DMD: variants seen among roughly 807,000 people sequenced by gnomAD.
The protein encoded by DMD is dystrophin, also known as mutant dystrophin.
DMD carries 63 observed loss-of-function variants against 330.1 expected under a neutral mutation model. That is an observed-to-expected ratio of 0.19 (90% CI 0.16 to 0.24). The LOEUF (loss-of-function observed/expected upper bound fraction) is 0.24, where lower values mean the gene tolerates loss of function less well. DMD is among the 10% of genes least tolerant of loss of function. DMD has a pLI of 1.00. For synonymous variants in DMD, 1,223 were observed against 959.8 expected, an observed-to-expected ratio of 1.27 and a Z score of -5.07; for missense variants, 3,344 against 2,684.1, an observed-to-expected ratio of 1.25 and a Z score of -5.43.
chrX:31,775,917 A>C (rs191324608), intron 50 of DMD, among the ~76,000 whole-genome samples: 22 of 112,146 alleles, frequency 2.0e-4, no homozygotes, highest in African/African-American at 6.1e-4. Context: ...TGTCAGAGAG[A>C]ATAAAAAAAT....
intron 25 of DMD, among the ~76,000 whole-genome samples, chrX:32,457,880 T>TA (rs2148377713): frequency 9.1e-6 from 1 of 110,226 alleles, no homozygotes; most frequent in South Asian, 3.9e-4. Flanking sequence ...TACTATAAAT[T>TA]TAAAGCCACT....
intron 21 of DMD, 149 bp from the exon 22 acceptor site, chrX:32,472,458 G>T: frequency 3.6e-6 from 2 of 552,722 alleles, no homozygotes; most frequent in Non-Finnish European, 5.8e-6. Context: ...ATATGATTAT[G>T]AAGATACATT....
chrX:31,800,485 G>GC (rs2092012260), intron 50 of DMD, among the ~76,000 whole-genome samples: 1 of 111,780 alleles, frequency 8.9e-6, no homozygotes, highest in Non-Finnish European at 1.9e-5. Flanking sequence ...CCTGTGCCTG[G>GC]CCCGTGAAAC....
chrX:31,384,259 C>A (rs1041100182), intron 60 of DMD, among the ~76,000 whole-genome samples: 2 of 111,054 alleles, frequency 1.8e-5, no homozygotes, highest in Non-Finnish European at 3.8e-5. Flanking sequence ...ACCGAAGCGG[C>A]TATGCAGTCC....
At chrX:31,203,712 C>G (rs1010174109) in intron 67 of DMD, among the ~76,000 whole-genome samples, 3 of 111,365 alleles carry the variant, frequency 2.7e-5, no homozygotes, top group Non-Finnish European at 5.7e-5. Flanking sequence ...AACTTCTTCC[C>G]CTCTAGCACC....
intron 52 of DMD, among the ~76,000 whole-genome samples, chrX:31,686,204 T>C (rs924546120): frequency 1.8e-5 from 2 of 112,581 alleles, no homozygotes; most frequent in Non-Finnish European, 3.8e-5. Flanking sequence ...GTGCACAAAC[T>C]AGTGTTTGGC....
At chrX:31,438,686 G>C (rs1450319580) in intron 60 of DMD, among the ~76,000 whole-genome samples, 1 of 111,168 alleles carries the variant, frequency 9.0e-6, no homozygotes, top group Non-Finnish European at 1.9e-5. Flanking sequence ...TTAGTGATAG[G>C]CCGACATTAT....
chrX:31,800,816 T>C (rs986356955), intron 50 of DMD, among the ~76,000 whole-genome samples: 1 of 111,834 alleles, frequency 8.9e-6, no homozygotes, highest in African/African-American at 3.3e-5. Context: ...TGCTAAAGCT[T>C]AGCAACAGTG....
intron 53 of DMD, among the ~76,000 whole-genome samples, chrX:31,675,853 T>C (rs1271599251): frequency 1.4e-4 from 16 of 112,765 alleles, no homozygotes; most frequent in Non-Finnish European, 3.0e-4. Flanking sequence ...TTACATTATG[T>C]AGACAATTAA....
intron 5 of DMD, among the ~76,000 whole-genome samples, chrX:32,821,592 TAAAAATAAAA>T (rs1485053806): frequency 9.6e-6 from 1 of 104,100 alleles, no homozygotes; most frequent in Non-Finnish European, 2.0e-5. Context: ...TGTCTCAAAA[TAAAAATAAAA>T]AAAAATAAAA....
At chrX:32,093,872 ATAAC>A (rs2096490297) in intron 44 of DMD, among the ~76,000 whole-genome samples, 1 of 111,219 alleles carries the variant, frequency 9.0e-6, no homozygotes, top group African/African-American at 3.3e-5. Context: ...TCAACTCTGT[ATAAC>A]TAACAAGAAA....
intron 7 of DMD, among the ~76,000 whole-genome samples, chrX:32,763,211 A>T (rs983557515): frequency 8.9e-6 from 1 of 112,018 alleles, no homozygotes; most frequent in Non-Finnish European, 1.9e-5. Flanking sequence ...AATCTTCTTC[A>T]TTCAAAAGTA....
Position 32,742,668 on chromosome X carries a change from G to A in DMD, c.650-43375C>T, listed in dbSNP as rs183592354. Among the ~76,000 whole-genome samples, 744 of 111,657 alleles carry A rather than the reference G, an allele frequency of 6.7e-3. 8 individuals carry two copies. The highest frequency in any genetic ancestry group is 0.023 in the African/African-American group (718 of 30,743). ...ATGAGACCTAAGCAATGAGAAAATG[G>A]GAAGTAAATTATGAAGATACAAGGC... On this transcript the variant is annotated intron_variant, in intron 7 of 78. Coordinates refer to ENST00000357033, the MANE Select transcript of DMD (RefSeq NM_004006.3).
chrX:32,449,188 C>T (rs926471743), intron 26 of DMD, among the ~76,000 whole-genome samples: 1 of 110,773 alleles, frequency 9.0e-6, no homozygotes, highest in African/African-American at 3.3e-5. Context: ...AAAAAAGGAG[C>T]TGCTGATATC....
intron 1 of DMD, among the ~76,000 whole-genome samples, chrX:33,302,895 T>C (rs779853925): frequency 2.8e-4 from 31 of 111,939 alleles, no homozygotes; most frequent in African/African-American, 9.7e-4. Flanking sequence ...ACAGAGAATT[T>C]CCCTGTCCTA....
intron 9 of DMD, among the ~76,000 whole-genome samples, chrX:32,692,706 C>A (rs568333517): frequency 6.2e-5 from 7 of 112,035 alleles, no homozygotes; most frequent in African/African-American, 2.3e-4. Context: ...GGTATATTAA[C>A]TTGCCGAACT....
intron 18 of DMD, among the ~76,000 whole-genome samples, chrX:32,507,355 T>C (rs1690696576): frequency 8.9e-6 from 1 of 111,841 alleles, no homozygotes; most frequent in African/African-American, 3.2e-5. Context: ...TGTGAAATGA[T>C]ATAAAAAGTA....
At chrX:31,284,338 G>T (rs2052859891) in intron 62 of DMD, among the ~76,000 whole-genome samples, 1 of 111,481 alleles carries the variant, frequency 9.0e-6, no homozygotes, top group Non-Finnish European at 1.9e-5. Flanking sequence ...AGAGGAGAAA[G>T]AAAGTACTAG....
At position 32,390,650 on chromosome X, in the gene DMD, G is replaced by T. The variant is rs1252454861; in HGVS notation, c.4234-469C>A. 2.7e-5 allele frequency among the ~76,000 whole-genome samples: 3 copies of T among 111,527 alleles called. No individual in the cohort carries two copies. The East Asian group carries it at 8.4e-4, about 31-fold the overall frequency. The stretch of plus-strand genomic sequence containing the variant: ...ATGAGATATAATGAGAAAATTGCAT[G>T]TGGAAAATACTCCTTAATTACCTTC... On this transcript the variant is annotated intron_variant, in intron 30 of 78. Transcript: ENST00000357033.
Sources: allele counts gnomAD v4.1 joint callset (sites outside exome capture counted in the v4.1 genomes callset), GRCh38; gene constraint gnomAD v4.1.1; transcripts MANE v1.5; gene names NCBI Gene and HGNC (gene_info 2026-07-23, HGNC 2026-07-21).